C17orf75: variants seen among roughly 807,000 people sequenced by gnomAD.
The protein encoded by C17orf75 is protein Njmu-R1.
Under a neutral mutation model 49.6 loss-of-function variants are expected in C17orf75, and 32 were observed. The observed-to-expected ratio is 0.65, with a 90% CI of 0.49 to 0.87. The LOEUF is 0.87. C17orf75 is among the 40% of genes least tolerant of loss of function. The pLI is 0.00. For synonymous variants in C17orf75, 158 were observed against 159.5 expected (o/e 0.99, Z 0.07); for missense variants, 428 against 473.9 (o/e 0.90, Z 0.90).
chr17:32,343,721 G>A (rs1436174498), upstream of C17orf75: 1 of 595,796 alleles, frequency 1.7e-6, no homozygotes, highest in African/African-American at 1.9e-5. Context: ...CTCCCATTCA[G>A]TAACATTGTC....
At chr17:32,334,661 A>G (rs2041309093) in intron 7 of C17orf75, 56 bp from the exon 8 acceptor site, 1 of 1,596,354 alleles carries the variant, frequency 6.3e-7, no homozygotes, top group African/African-American at 1.3e-5. Flanking sequence ...GAAGGATGAA[A>G]ACAAATTTAT....
chr17:32,337,417 C>G (rs934596171), intron 5 of C17orf75, among the ~76,000 whole-genome samples: 6 of 151,686 alleles, frequency 4.0e-5, no homozygotes, highest in Non-Finnish European at 8.8e-5. Context: ...TGAGCCTGAT[C>G]GCGCCACTGC....
intron 9 of C17orf75, among the ~76,000 whole-genome samples, chr17:32,332,356 G>C (rs2041283428): frequency 1.3e-5 from 2 of 152,024 alleles, no homozygotes; most frequent in Admixed American, 1.3e-4. Flanking sequence ...TGGTCAGGCT[G>C]GTCTCGAACT....
chr17:32,334,682 G>A, intron 7 of C17orf75, 77 bp from the exon 8 acceptor site: 2 of 1,581,168 alleles, frequency 1.3e-6, no homozygotes, highest in Admixed American at 3.6e-5. Context: ...TTTGCACTGG[G>A]CTGGTGGGGA....
intron 9 of C17orf75, among the ~76,000 whole-genome samples, chr17:32,332,436 G>A (rs933197039): frequency 4.6e-5 from 7 of 152,040 alleles, no homozygotes; most frequent in African/African-American, 1.2e-4. Context: ...GCCACCACGC[G>A]CAGCCAAAAA....
intron 1 of C17orf75, among the ~76,000 whole-genome samples, chr17:32,348,228 G>A (rs1286664067): frequency 6.6e-6 from 1 of 151,794 alleles, no homozygotes; most frequent in Non-Finnish European, 1.5e-5. Flanking sequence ...TCACCATGTT[G>A]GCCAGGCTGG....
intron 3 of C17orf75, 124 bp downstream of exon 3, chr17:32,339,689 G>A (rs577321588): frequency 1.5e-5 from 19 of 1,303,086 alleles, no homozygotes; most frequent in South Asian, 7.2e-5. Flanking sequence ...CCCAGTGCTC[G>A]GGCTGCCAGA....
intron 5 of C17orf75, among the ~76,000 whole-genome samples, chr17:32,335,894 C>T (rs1475784880): frequency 1.3e-5 from 2 of 152,152 alleles, no homozygotes; most frequent in African/African-American, 4.8e-5. Context: ...AGAATTCATT[C>T]GTATTCAGAA....
At chr17:32,336,209 G>C (rs768453256) in intron 5 of C17orf75, among the ~76,000 whole-genome samples, 1 of 152,134 alleles carries the variant, frequency 6.6e-6, no homozygotes, top group Non-Finnish European at 1.5e-5. Context: ...CAAGCTGAAA[G>C]CATTGTTTTT....
chr17:32,338,475 A>G (rs928583794), intron 3 of C17orf75, 124 bp from the exon 4 acceptor site: 4 of 907,350 alleles, frequency 4.4e-6, no homozygotes, highest in Non-Finnish European at 1.6e-6. Context: ...ACTAACTCAG[A>G]GCTTCCCAGA....
chr17:32,338,418 G>T, intron 3 of C17orf75, 67 bp from the exon 4 acceptor site: 2 of 1,460,386 alleles, frequency 1.4e-6, no homozygotes, highest in Non-Finnish European at 9.2e-7. Flanking sequence ...TTTGTGGACT[G>T]CTCTGAATTC....
rs1326138907 is a variant in C17orf75 at position 32,342,019 on chromosome 17, A to G, written c.121T>C (p.Tyr41His). ...CAGCACCTGCTTCCGCGATAGCTGT[A>G]AAGACAGTAGTGGCTGCTGGACGGC... The part of the protein sequence containing the change: ...EPPSSSHYCL[Y>H]SYRGSRLAQQ... The change falls in exon 1 of 10, where the codon TAC becomes CAC. Residue 41 changes from tyrosine (Y) to histidine (H), a missense_variant. Transcript: ENST00000577809. The G allele has an allele frequency of 3.9e-6, 6 of 1,528,506 alleles. No individual in the cohort carries two copies. The highest frequency in any genetic ancestry group is 5.3e-6 in the Non-Finnish European group (6 of 1,138,766). 94.7% of individuals were successfully genotyped at this position (1,528,506 alleles called of 1,614,324 possible).
chr17:32,332,952 AG>A (rs1278687962), intron 9 of C17orf75, among the ~76,000 whole-genome samples: 4 of 152,264 alleles, frequency 2.6e-5, no homozygotes, highest in African/African-American at 9.6e-5. Context: ...CCAGGATTAC[AG>A]GCATGCGCCA....
chr17:32,328,475 AAATT>A lies in C17orf75; in HGVS notation c.*3284_*3287del, dbSNP rs1430771266. The A allele has an allele frequency of 6.6e-6, 1 of 152,252 alleles. No individual in the cohort carries two copies. The highest frequency in any genetic ancestry group is 1.9e-4 in the East Asian group (1 of 5,202). The allele number at this position is 152,252 out of a possible 1,614,324, so 9.4% of individuals were successfully genotyped here. A position where few individuals can be genotyped will look rare whatever the true frequency, so the allele number is the denominator to read the frequency against. ...AGCTAAGTTTTATTATTATAATTAC[AAATT>A]AATTACAGAGAAACTGAAGCCATTC... On this transcript the variant is annotated 3_prime_UTR_variant, in exon 10 of 10. Coordinates refer to ENST00000577809, the MANE Select transcript of C17orf75 (RefSeq NM_022344.4).
chr17:32,345,078 G>C (rs2041414999), upstream of C17orf75, among the ~76,000 whole-genome samples: 1 of 152,032 alleles, frequency 6.6e-6, no homozygotes, highest in African/African-American at 2.4e-5. Context: ...TCCAATATTA[G>C]CCAAGAAAGG....
Position 32,331,718 on chromosome 17 carries a change from A to ACTT in C17orf75, c.*42_*44dup, listed in dbSNP as rs776093966. 5.4e-6 allele frequency: 8 copies of ACTT among 1,468,612 alleles called. No individual in the cohort carries two copies. The East Asian group carries it at 1.4e-4, about 25-fold the overall frequency. The allele number at this position is 1,468,612 out of a possible 1,614,324, so 91.0% of individuals were successfully genotyped here. ...TATAACTGCAATTTCAAACACTAAG[A>ACTT]CTTAAATATACAACTTGATCATACA... On this transcript the variant is annotated 3_prime_UTR_variant, in exon 10 of 10. Transcript: ENST00000577809.
chr17:32,349,029 C>A, intron 1 of C17orf75, among the ~76,000 whole-genome samples: 1 of 151,898 alleles, frequency 6.6e-6, no homozygotes, highest in Non-Finnish European at 1.5e-5. Flanking sequence ...CTACGCCTGG[C>A]TAATTTTTGT....
At chr17:32,338,812 C>T (rs979600048) in intron 3 of C17orf75, among the ~76,000 whole-genome samples, 2 of 152,014 alleles carry the variant, frequency 1.3e-5, no homozygotes, top group Admixed American at 6.6e-5. Flanking sequence ...TAATGGAGGC[C>T]GGGCACAGTG....
At chr17:32,341,059 A>G (rs965884810) in intron 2 of C17orf75, 145 bp downstream of exon 2, 6 of 803,052 alleles carry the variant, frequency 7.5e-6, no homozygotes, top group African/African-American at 6.8e-5. Flanking sequence ...TGAGGAAATC[A>G]GGATGAGGTT....
Sources: gnomAD v4.1 joint callset for allele counts (sites outside exome capture counted in the v4.1 genomes callset) on GRCh38, gnomAD v4.1.1 for gene constraint, MANE v1.5 for transcripts, NCBI Gene and HGNC (gene_info 2026-07-23, HGNC 2026-07-21) for gene names.